The following ZNF3 variants were observed in gnomAD, a reference collection of about 807,000 sequenced individuals.
ZNF3 encodes the protein zinc finger protein 3.
Under a neutral mutation model 36.9 loss-of-function variants are expected in ZNF3, and 16 were observed. The observed-to-expected ratio is 0.43, with a 90% CI of 0.29 to 0.66. The LOEUF (loss-of-function observed/expected upper bound fraction) is 0.66, where lower values mean the gene tolerates loss of function less well. Among genes scored for constraint, ZNF3 ranks in the 30% least tolerant of loss-of-function variants. The pLI is 0.13. For synonymous variants in ZNF3, 201 were observed against 201.9 expected (o/e 1.00, Z 0.04); for missense variants, 462 against 543.1 (o/e 0.85, Z 1.48).
chr7:100,071,314 G>A lies in ZNF3; in HGVS notation c.1170C>T (p.His390=), dbSNP rs568841771. ...SSGLIQHQRI[H]TGENPYECSE... is the part of the protein sequence containing the mutation. ...TACATTCATAGGGGTTCTCCCCGGT[G>A]TGGATTCTTTGATGCTGAATAAGGC... The change falls in exon 6 of 6, where the codon CAC becomes CAT. Residue 390 remains histidine, a synonymous_variant. Transcript: ENST00000299667. 6.2e-6 allele frequency: 10 copies of A among 1,614,234 alleles called. No homozygotes were observed. Among genetic ancestry groups the A allele is most frequent in the Admixed American group, 5.0e-5 (3 of 60,020 alleles).
chr7:100,065,051 CTAT>C (rs901549938), downstream of ZNF3: 49 of 1,068,494 alleles, frequency 4.6e-5, no homozygotes, highest in East Asian at 6.0e-4. Context: ...TGCCTCAGGA[CTAT>C]TATTATAACA....
chr7:100,070,936 T>A lies in ZNF3; in HGVS notation c.*207A>T. On this transcript the variant is annotated 3_prime_UTR_variant, in exon 6 of 6. Transcript: ENST00000299667. ...GGTAACTGGTCCCAGAGCTGCTTTC[T>A]ATTCCCAGCACGCCATCCACTTGCC... is the stretch of plus-strand genomic sequence containing the variant. The A allele has an allele frequency of 7.3e-7, 1 of 1,361,950 alleles. No individual in the cohort carries two copies. The highest frequency in any genetic ancestry group is 9.4e-7 in the Non-Finnish European group (1 of 1,062,506). The allele number at this position is 1,361,950 out of a possible 1,614,324, so 84.4% of individuals were successfully genotyped here.
intron 3 of ZNF3, 27 bp downstream of exon 3, chr7:100,077,276 A>C: frequency 6.2e-7 from 1 of 1,613,636 alleles, no homozygotes; most frequent in Non-Finnish European, 8.5e-7. Flanking sequence ...GACTGAGTAA[A>C]AGAATGAATG....
intron 5 of ZNF3, 32 bp from the exon 6 acceptor site, chr7:100,072,244 T>C (rs768715509): frequency 3.3e-6 from 5 of 1,516,162 alleles, no homozygotes; most frequent in Non-Finnish European, 4.4e-6. Flanking sequence ...ATGTCACTTG[T>C]TCCTTAGGGA....
chr7:100,073,606 T>C (rs1446041055), intron 5 of ZNF3, among the ~76,000 whole-genome samples: 3 of 151,834 alleles, frequency 2.0e-5, no homozygotes, highest in East Asian at 2.0e-4. Flanking sequence ...CGCCTCAGTC[T>C]CCCAAAGTGC....
chr7:100,081,974 C>T (rs77712869), upstream of ZNF3, among the ~76,000 whole-genome samples: 1,426 of 152,276 alleles, frequency 9.4e-3, 10 homozygotes, highest in Admixed American at 0.013. This position sits in a 1 kb window ranked among gnomAD's most constrained non-coding sequence, Gnocchi z 4.3. Context: ...AAGCGGCCGA[C>T]CACGGTCCTG....
At position 100,071,380 on chromosome 7, in the gene ZNF3, G is replaced by A. The variant is rs749573851; in HGVS notation, c.1104C>T (p.Tyr368=). The part of the protein sequence containing the change: ...HQRIHTGEKP[Y]ECMECGGKFT... ...ACTTTCCTCCACATTCCATACATTCGTAGGGCTTCTCTCCAGTGTGGATTC... is the reference window on the plus strand; with the variant it reads ...ACTTTCCTCCACATTCCATACATTCATAGGGCTTCTCTCCAGTGTGGATTC... The change falls in exon 6 of 6, where the codon TAC becomes TAT. Residue 368 remains tyrosine (Y), a synonymous_variant. Transcript: ENST00000299667. 2.1e-5 allele frequency: 34 copies of A among 1,613,996 alleles called. No homozygotes were observed. Among genetic ancestry groups the A allele is most frequent in the Admixed American group, 1.8e-4 (11 of 59,990 alleles).
At chr7:100,078,522 G>GA (rs1455383130) in intron 2 of ZNF3, among the ~76,000 whole-genome samples, 1 of 148,940 alleles carries the variant, frequency 6.7e-6, no homozygotes, top group African/African-American at 2.5e-5. Context: ...AAAAAGAAAA[G>GA]AAAAAATACA....
chr7:100,080,896 A>T (rs952700889), intron 1 of ZNF3, among the ~76,000 whole-genome samples: 6 of 152,154 alleles, frequency 3.9e-5, no homozygotes, highest in African/African-American at 9.7e-5. Context: ...AATGATGCCC[A>T]CTCTCCACAG....
At chr7:100,064,236 T>C in exon 6 of ZNF3, 1 of 1,614,002 alleles carries the variant, frequency 6.2e-7, no homozygotes, top group South Asian at 1.1e-5. Flanking sequence ...GCTCAGACCT[T>C]CTTAAACATC....
At chr7:100,068,337 C>T (rs1792750887), downstream of ZNF3, among the ~76,000 whole-genome samples, 2 of 152,038 alleles carry the variant, frequency 1.3e-5, no homozygotes, top group Non-Finnish European at 2.9e-5. Context: ...GCCTTGGCCT[C>T]CCAAAGTGCT....
chr7:100,075,370 GGGAGGACAGGGT>G, intron 4 of ZNF3, 109 bp from the exon 5 acceptor site: 3 of 1,586,066 alleles, frequency 1.9e-6, no homozygotes, highest in Non-Finnish European at 2.6e-6. Flanking sequence ...AAGGGAGGAA[GGGAGGACAGGGT>G]GGAGGAAGAG....
intron 5 of ZNF3, among the ~76,000 whole-genome samples, chr7:100,073,582 C>T (rs927349862): frequency 1.3e-5 from 2 of 151,910 alleles, no homozygotes; most frequent in African/African-American, 4.8e-5. Context: ...AAACTCCTGA[C>T]CTCAGTATCT....
In ZNF3 at chr7:100,072,142, TCCCAG is replaced by T; in HGVS notation, c.337_341del (p.Leu113LysfsTer13). ...CCTGAGAAATATCCTTTTGAAATCT[TCCCAG>T]TAGGACCCCATGTGATCTTGTGTCT... On this transcript the variant is annotated frameshift_variant, in exon 6 of 6. Transcript: ENST00000299667. LOFTEE classifies it high-confidence loss of function. 6.2e-7 allele frequency: 1 copy of T among 1,613,582 alleles called. No homozygotes were observed. Among genetic ancestry groups the T allele is most frequent in the Non-Finnish European group, 8.5e-7 (1 of 1,179,900 alleles).
intron 5 of ZNF3, among the ~76,000 whole-genome samples, chr7:100,074,186 G>A (rs371266954): frequency 6.6e-6 from 1 of 151,984 alleles, no homozygotes; most frequent in East Asian, 1.9e-4. Flanking sequence ...TGGAGTTAAA[G>A]ACTGGGCCCC....
In ZNF3 at chr7:100,071,488, T is replaced by A; in HGVS notation, c.996A>T (p.Arg332Ser). ...SRSSTLIHHQ[R>S]IHTGEKPYEC... ...CATAGGGTTTTTCTCCAGTGTGGATTCTCTGATGGTGAATAAGGGTTGAGC... is the reference window on the plus strand; with the variant it reads ...CATAGGGTTTTTCTCCAGTGTGGATACTCTGATGGTGAATAAGGGTTGAGC... Residue 332 changes from arginine to serine, a missense_variant, in exon 6 of 6, where the codon AGA (arginine) becomes AGT (serine). Transcript: ENST00000299667. 6.2e-7 allele frequency: 1 copy of A among 1,614,016 alleles called. No homozygotes were observed. The highest frequency in any genetic ancestry group is 8.5e-7 in the Non-Finnish European group (1 of 1,179,998).
rs987588161 is a variant in ZNF3 at position 100,070,150 on chromosome 7, G to A, written c.*993C>T. ...GCACAGCCTGCCTTCTCTGGGCTTC[G>A]TTTTTTTGTTTTTTTGTTTTTTTTT... On this transcript the variant is annotated 3_prime_UTR_variant, in exon 6 of 6. Transcript: ENST00000299667. 4.7e-5 allele frequency: 45 copies of A among 967,172 alleles called. No individual in the cohort carries two copies. Among genetic ancestry groups the A allele is most frequent in the Admixed American group, 3.8e-4 (5 of 13,032 alleles). The allele number at this position is 967,172 out of a possible 1,614,324, so 59.9% of individuals were successfully genotyped here.
chr7:100,070,957 T>A lies in ZNF3; in HGVS notation c.*186A>T. The A allele has an allele frequency of 3.6e-6, 5 of 1,393,374 alleles. No individual in the cohort carries two copies. The allele number at this position is 1,393,374 out of a possible 1,614,324, so 86.3% of individuals were successfully genotyped here. A position where few individuals can be genotyped will look rare whatever the true frequency, so the allele number is the denominator to read the frequency against. On this transcript the variant is annotated 3_prime_UTR_variant, in exon 6 of 6. Transcript: ENST00000299667. ...TTTCTATTCCCAGCACGCCATCCACTTGCCTTGACGCTTTCTAAGGCTGGT... is the reference window on the plus strand; with the variant it reads ...TTTCTATTCCCAGCACGCCATCCACATGCCTTGACGCTTTCTAAGGCTGGT...
intron 5 of ZNF3, among the ~76,000 whole-genome samples, chr7:100,073,105 A>T (rs1025183867): frequency 1.3e-5 from 2 of 152,136 alleles, no homozygotes; most frequent in African/African-American, 4.8e-5. Flanking sequence ...AGGATTCAGA[A>T]ATGGGAATTC....
Sources: gnomAD v4.1 joint callset for allele counts (sites outside exome capture counted in the v4.1 genomes callset) on GRCh38, gnomAD v4.1.1 for gene constraint, Gnocchi (gnomAD v3.1) non-coding constraint, MANE v1.5 for transcripts, NCBI Gene and HGNC (gene_info 2026-07-23, HGNC 2026-07-21) for gene names.